Variants in NELL2 observed in about 807,000 individuals in gnomAD.
The protein encoded by NELL2 is protein kinase C-binding protein NELL2.
In NELL2, 41 loss-of-function variants were observed where a neutral mutation model predicts 109.6. That is an observed-to-expected ratio of 0.37 (90% CI 0.29 to 0.49). NELL2 has a LOEUF of 0.49. Ranked by LOEUF, NELL2 falls within the 20% of genes least tolerant of loss-of-function variation. The probability of loss-of-function intolerance (pLI) is 0.98; values close to 1 mark genes in which losing one functional copy is unlikely to be tolerated. For synonymous variants in NELL2, 355 were observed against 344.7 expected (o/e 1.03, Z -0.33); for missense variants, 900 against 1,008.3 (o/e 0.89, Z 1.45).
chr12:44,535,219 G>A (rs909658865), intron 15 of NELL2, among the ~76,000 whole-genome samples: 1 of 151,830 alleles, frequency 6.6e-6, no homozygotes, highest in Non-Finnish European at 1.5e-5. Context: ...AAGATGAATA[G>A]GTAAATATGG....
chr12:44,874,353 C>T (rs1506680), intron 2 of NELL2, among the ~76,000 whole-genome samples: 34,035 of 152,018 alleles, frequency 0.22, 4,421 homozygotes, highest in East Asian at 0.46. Flanking sequence ...TATTCTTCAC[C>T]ATACATGAAT....
chr12:44,640,122 C>T (rs1400375241), intron 13 of NELL2, among the ~76,000 whole-genome samples: 1 of 152,286 alleles, frequency 6.6e-6, no homozygotes, highest in African/African-American at 2.4e-5. Context: ...AAGGCTAATG[C>T]TCAGTAAATA....
intron 18 of NELL2, among the ~76,000 whole-genome samples, chr12:44,521,529 CAAA>C (rs56713964): frequency 9.0e-6 from 1 of 111,422 alleles, no homozygotes; most frequent in Non-Finnish European, 1.8e-5. Context: ...GACTCCGTCT[CAAA>C]AAAAAAAAAA....
At chr12:44,609,003 A>T (rs1438729372) in intron 14 of NELL2, among the ~76,000 whole-genome samples, 3 of 151,818 alleles carry the variant, frequency 2.0e-5, no homozygotes, top group Non-Finnish European at 4.4e-5. Context: ...ACAGTAATTT[A>T]TAATAAAATA....
At chr12:44,607,309 A>G (rs989773662) in intron 14 of NELL2, 45 bp from the exon 15 acceptor site, 2 of 1,511,008 alleles carry the variant, frequency 1.3e-6, no homozygotes, top group Non-Finnish European at 1.8e-6. Context: ...AGAAGTAAGT[A>G]GTTTAATAAA....
intron 15 of NELL2, among the ~76,000 whole-genome samples, chr12:44,543,168 C>T (rs960253890): frequency 1.2e-4 from 18 of 152,140 alleles, no homozygotes; most frequent in Non-Finnish European, 2.4e-4. Context: ...CACTTGGATA[C>T]AAAATTTCTC....
intron 9 of NELL2, among the ~76,000 whole-genome samples, chr12:44,736,067 G>C (rs1939627470): frequency 7.1e-6 from 1 of 140,722 alleles, no homozygotes; most frequent in Non-Finnish European, 1.5e-5. Flanking sequence ...CTGGAGCGCA[G>C]TGGCGCGATC....
At chr12:44,603,337 G>T (rs2060899) in intron 15 of NELL2, among the ~76,000 whole-genome samples, 55,982 of 151,884 alleles carry the variant, frequency 0.37, 10,933 homozygotes, top group East Asian at 0.5. Flanking sequence ...AAGTCAGCAA[G>T]TGCTTGTAGG....
intron 15 of NELL2, among the ~76,000 whole-genome samples, chr12:44,605,774 G>A (rs535567367): frequency 6.6e-6 from 1 of 152,080 alleles, no homozygotes; most frequent in South Asian, 2.1e-4. Context: ...TACCAGAAGC[G>A]GCACACAAAT....
At chr12:44,693,513 C>A (rs2136400076) in intron 12 of NELL2, among the ~76,000 whole-genome samples, 1 of 152,220 alleles carries the variant, frequency 6.6e-6, no homozygotes, top group East Asian at 1.9e-4. Flanking sequence ...AGAAACCACG[C>A]CTAAGAAGAA....
chr12:44,649,371 C>T (rs528297679), intron 13 of NELL2, among the ~76,000 whole-genome samples: 3 of 152,312 alleles, frequency 2.0e-5, no homozygotes, highest in South Asian at 2.1e-4. Flanking sequence ...AGGCAAGATG[C>T]TTTCTGTCCC....
intron 15 of NELL2, among the ~76,000 whole-genome samples, chr12:44,544,705 G>A (rs924374727): frequency 6.6e-6 from 1 of 151,950 alleles, no homozygotes; most frequent in Non-Finnish European, 1.5e-5. Context: ...GAAATGTTGA[G>A]TATAATAATA....
chr12:44,839,102 T>G (rs1398447678), intron 2 of NELL2, among the ~76,000 whole-genome samples: 1 of 142,554 alleles, frequency 7.0e-6, no homozygotes, highest in Non-Finnish European at 1.5e-5. Context: ...TGTGAATTTA[T>G]ATTACACCAT....
intron 1 of NELL2, among the ~76,000 whole-genome samples, chr12:44,900,332 C>T (rs1042166654): frequency 6.6e-6 from 1 of 152,116 alleles, no homozygotes; most frequent in Non-Finnish European, 1.5e-5. Context: ...CCACATCACA[C>T]TTATTCTAAA....
chr12:44,798,252 A>C (rs371033219), intron 3 of NELL2, among the ~76,000 whole-genome samples: 2 of 152,056 alleles, frequency 1.3e-5, no homozygotes, highest in East Asian at 3.9e-4. Context: ...ATAAGGTATA[A>C]GAATTTGAAA....
chr12:44,590,087 T>C (rs1944688783), intron 15 of NELL2, among the ~76,000 whole-genome samples: 1 of 152,194 alleles, frequency 6.6e-6, no homozygotes, highest in South Asian at 2.1e-4. Flanking sequence ...ATTTTTTGCA[T>C]ATATGCCAGC....
At chr12:44,532,291 T>A (rs1456983336) in intron 16 of NELL2, among the ~76,000 whole-genome samples, 1 of 152,320 alleles carries the variant, frequency 6.6e-6, no homozygotes, top group African/African-American at 2.4e-5. Flanking sequence ...TGCTTTCGTT[T>A]TAAAAAATTT....
intron 13 of NELL2, among the ~76,000 whole-genome samples, chr12:44,640,018 T>A (rs1281219349): frequency 1.3e-5 from 2 of 151,970 alleles, no homozygotes; most frequent in African/African-American, 2.4e-5. Context: ...GCTGTCACTA[T>A]TTTTTTTCTC....
chr12:44,734,151 T>A (rs1939517057), intron 9 of NELL2, among the ~76,000 whole-genome samples: 1 of 152,022 alleles, frequency 6.6e-6, no homozygotes, highest in African/African-American at 2.4e-5. Context: ...TTTTCTTAAA[T>A]CTATTTTGAG....
Sources: allele counts gnomAD v4.1 joint callset (sites outside exome capture counted in the v4.1 genomes callset), GRCh38; gene constraint gnomAD v4.1.1; transcripts MANE v1.5; gene names NCBI Gene and HGNC (gene_info 2026-07-23, HGNC 2026-07-21).